Variants in IQGAP2 observed in about 807,000 individuals in gnomAD.
IQGAP2 encodes IQ motif containing GTPase activating protein 2, also known as ras GTPase-activating-like protein IQGAP2.
Under a neutral mutation model 201.3 loss-of-function variants are expected in IQGAP2, and 173 were observed. The observed-to-expected ratio is 0.86, with a 90% CI of 0.76 to 0.98. The LOEUF (loss-of-function observed/expected upper bound fraction) is 0.98, where lower values mean the gene tolerates loss of function less well. IQGAP2 is among the 50% of genes least tolerant of loss of function. IQGAP2 has a pLI of 0.00. For missense variants in IQGAP2, 1,687 were observed against 1,864.8 expected (o/e 0.90, Z 1.76); for synonymous variants, 675 against 673.9 (o/e 1.00, Z -0.03).
rs1248671707 is a variant in IQGAP2, at chr5:76,683,824, G to A, written c.3812G>A (p.Ser1271Asn). 1 of 1,613,708 alleles carries A rather than the reference G, an allele frequency of 6.2e-7. No homozygotes were observed. Among genetic ancestry groups the A allele is most frequent in the Admixed American group, 1.7e-5 (1 of 59,988 alleles). Residue 1271 changes from serine to asparagine, a missense_variant, in exon 30 of 36, where the codon AGT becomes AAT. Physicochemically the swap from Ser to Asn is conservative, Grantham distance 46. Transcript: ENST00000274364. ...GACCCTAACAAGGCAAATACACTAAGTCAGCTTTCAAAGACCGAGATTTCT... is the reference window on the plus strand; with the variant it reads ...GACCCTAACAAGGCAAATACACTAAATCAGCTTTCAAAGACCGAGATTTCT... ...PNDPNKANTL[S>N]QLSKTEISLV...
At chr5:76,692,763 C>T (rs1463961151) in intron 30 of IQGAP2, among the ~76,000 whole-genome samples, 1 of 152,214 alleles carries the variant, frequency 6.6e-6, no homozygotes, top group Non-Finnish European at 1.5e-5. Context: ...GTTAGTTGCT[C>T]AGGCCCTTGA....
At chr5:76,504,416 C>G (rs1389304417) in intron 2 of IQGAP2, among the ~76,000 whole-genome samples, 2 of 152,158 alleles carry the variant, frequency 1.3e-5, no homozygotes, top group African/African-American at 2.4e-5. Flanking sequence ...TTTACTGCCA[C>G]TCTCCCTCCA....
intron 33 of IQGAP2, 118 bp downstream of exon 33, chr5:76,698,265 C>A (rs983142629): frequency 1.5e-6 from 1 of 646,874 alleles, no homozygotes; most frequent in Admixed American, 3.3e-5. Flanking sequence ...TGTCTTCTAA[C>A]CGAAAACTAG....
intron 2 of IQGAP2, among the ~76,000 whole-genome samples, chr5:76,554,173 C>T (rs907229405): frequency 6.6e-6 from 1 of 152,156 alleles, no homozygotes; most frequent in Non-Finnish European, 1.5e-5. Flanking sequence ...TGAAGTTAGA[C>T]TCTCACCTCA....
At chr5:76,587,406 C>T (rs146527697) in intron 5 of IQGAP2, among the ~76,000 whole-genome samples, 2,735 of 152,154 alleles carry the variant, frequency 0.018, 40 homozygotes, top group South Asian at 0.076. Flanking sequence ...GCATTATTTG[C>T]CATAGTTATT....
Position 76,696,177 on chromosome 5 carries a change from T to G in IQGAP2, c.4206+511T>G, listed in dbSNP as rs750261801. ...GTTGAAACAGACCAGAAATAAATAC[T>G]AAAAAATGTACTTGACAAGTTTGGT... On this transcript the variant is annotated intron_variant, in intron 32 of 35. Coordinates refer to ENST00000274364, the MANE Select transcript of IQGAP2 (RefSeq NM_006633.5). Among the ~76,000 whole-genome samples the G allele has an allele frequency of 1.1e-4, 17 of 152,176 alleles. 1 individual carries two copies. The highest frequency in any genetic ancestry group is 2.4e-4 in the Non-Finnish European group (16 of 68,036).
intron 1 of IQGAP2, among the ~76,000 whole-genome samples, chr5:76,407,679 G>A (rs543598144): frequency 1.2e-3 from 184 of 152,336 alleles, no homozygotes; most frequent in African/African-American, 4.2e-3. Context: ...TACACATGCT[G>A]TTAGCCAGAA....
chr5:76,652,663 G>T (rs962912245), intron 17 of IQGAP2, 87 bp from the exon 18 acceptor site: 11 of 925,314 alleles, frequency 1.2e-5, no homozygotes, highest in African/African-American at 4.9e-5. Context: ...AGCTCCATGC[G>T]GCCTGAGATG....
chr5:76,652,508 C>G (rs145979464), intron 17 of IQGAP2, among the ~76,000 whole-genome samples: 1 of 152,256 alleles, frequency 6.6e-6, no homozygotes, highest in African/African-American at 2.4e-5. Flanking sequence ...CTGTGCTTCT[C>G]CATGTAATTT....
intron 1 of IQGAP2, among the ~76,000 whole-genome samples, chr5:76,404,789 C>T (rs781020703): frequency 6.6e-6 from 1 of 151,220 alleles, no homozygotes; most frequent in Non-Finnish European, 1.5e-5. Flanking sequence ...TGACTGAGAC[C>T]CAGCTTTTTG....
intron 21 of IQGAP2, among the ~76,000 whole-genome samples, chr5:76,661,272 T>G (rs1743226405): frequency 1.3e-5 from 2 of 152,156 alleles, no homozygotes; most frequent in Non-Finnish European, 2.9e-5. Flanking sequence ...AATCTGTAGG[T>G]CAGTGAAGTG....
chr5:76,551,275 G>A (rs1345701110), intron 2 of IQGAP2, among the ~76,000 whole-genome samples: 3 of 150,512 alleles, frequency 2.0e-5, no homozygotes, highest in East Asian at 2.0e-4. Context: ...GGGCAGAGGC[G>A]CTCCCCACAT....
At chr5:76,458,132 C>G (rs1196735425) in intron 1 of IQGAP2, among the ~76,000 whole-genome samples, 2 of 152,212 alleles carry the variant, frequency 1.3e-5, no homozygotes, top group Non-Finnish European at 2.9e-5. Flanking sequence ...GCAATGTTGA[C>G]AGACCTTAGT....
intron 11 of IQGAP2, 125 bp from the exon 12 acceptor site, chr5:76,606,054 T>G (rs1747782041): frequency 5.5e-6 from 4 of 730,198 alleles, no homozygotes; most frequent in Non-Finnish European, 8.4e-6. Context: ...GACAATTTTA[T>G]TTGCCTTTCT....
chr5:76,618,637 C>T, intron 13 of IQGAP2: 1 of 1,608,674 alleles, frequency 6.2e-7, no homozygotes, highest in Non-Finnish European at 8.5e-7. Context: ...GTATCATTTT[C>T]CATGCCTGTA....
rs753736233 is a variant in IQGAP2, at chr5:76,570,589, C to A, written c.313C>A (p.Leu105Ile). 4.3e-6 allele frequency: 7 copies of A among 1,612,842 alleles called. No individual in the cohort carries two copies. In the South Asian group the frequency reaches 6.6e-5, roughly 15 times the overall value. ...VEQTRYKKSG[L>I]HFRHTDNTVQ... ...CCTATCGTCACTTTAGAAGTCTGGC[C>A]TTCATTTTCGACACACAGATAATAC... Residue 105 changes from leucine (L) to isoleucine (I), a missense_variant, in exon 4 of 36, where the codon CTT (leucine) becomes ATT (isoleucine). Physicochemically the swap from Leu to Ile is conservative, Grantham distance 5. Transcript: ENST00000274364.
rs140475668 is a variant in IQGAP2, at chr5:76,510,427, A to G, written c.146+48758A>G. ...GCAGTGATGACGGTGCAGGGCCCAT[A>G]CAGGCAGGGGTGGCGCCTGAGGGTC... On this transcript the variant is annotated intron_variant, in intron 2 of 35. Coordinates refer to ENST00000274364, the MANE Select transcript of IQGAP2 (RefSeq NM_006633.5). 1,034 of 280,832 alleles carry G rather than the reference A, an allele frequency of 3.7e-3. 11 individuals carry two copies. Among genetic ancestry groups the G allele is most frequent in the African/African-American group, 0.022 (962 of 44,292 alleles). The allele number at this position is 280,832 out of a possible 1,614,324, so 17.4% of individuals were successfully genotyped here. A position where few individuals can be genotyped will look rare whatever the true frequency, so the allele number is the denominator to read the frequency against.
chr5:76,642,637 C>A (rs887080886), intron 17 of IQGAP2, among the ~76,000 whole-genome samples: 18 of 152,204 alleles, frequency 1.2e-4, no homozygotes, highest in African/African-American at 4.1e-4. Context: ...ACCAAAGTGG[C>A]TGGTTCACCT....
At position 76,663,897 on chromosome 5, in the gene IQGAP2, T is replaced by G. The variant is rs992507939; in HGVS notation, c.2530-1129T>G. Among the ~76,000 whole-genome samples the G allele has an allele frequency of 6.6e-5, 10 of 152,362 alleles. No individual in the cohort carries two copies. The East Asian group carries it at 1.7e-3, about 26-fold the overall frequency. On this transcript the variant is annotated intron_variant, in intron 21 of 35. Transcript: ENST00000274364. The stretch of plus-strand genomic sequence containing the variant: ...AAGGCCTCATAGAATTGAAGAAAGT[T>G]AGGGCCTTGCTTTGGATTAGGCTTA...
Sources: gnomAD v4.1 joint callset for allele counts (sites outside exome capture counted in the v4.1 genomes callset) on GRCh38, gnomAD v4.1.1 for gene constraint, MANE v1.5 for transcripts, NCBI Gene and HGNC (gene_info 2026-07-23, HGNC 2026-07-21) for gene names.